Variants in PSD3 observed in about 807,000 individuals in gnomAD.
PSD3 encodes the protein pleckstrin and Sec7 domain containing 3, also known as PH and SEC7 domain-containing protein 3.
In PSD3, 49 loss-of-function variants were observed where a neutral mutation model predicts 105.5. That is an observed-to-expected ratio of 0.46 (90% CI 0.37 to 0.59). The LOEUF is 0.59. Ranked by LOEUF, PSD3 falls within the 20% of genes least tolerant of loss-of-function variation. The probability of loss-of-function intolerance (pLI) is 0.00; values close to 1 mark genes in which losing one functional copy is unlikely to be tolerated. For synonymous variants in PSD3, 557 were observed against 457.8 expected (o/e 1.22, Z -2.77); for missense variants, 1,561 against 1,263.8 (o/e 1.24, Z -3.57).
chr8:19,083,173 C>T (rs1829697098), intron 1 of PSD3, among the ~76,000 whole-genome samples: 1 of 152,180 alleles, frequency 6.6e-6, no homozygotes, highest in Non-Finnish European at 1.5e-5. Context: ...ATCCCACCAC[C>T]CTCCACACCC....
At chr8:18,915,633 G>A (rs1427324115) in intron 2 of PSD3, among the ~76,000 whole-genome samples, 1 of 152,102 alleles carries the variant, frequency 6.6e-6, no homozygotes, top group Non-Finnish European at 1.5e-5. Context: ...AATGCTGAAT[G>A]TCACTAATCA....
chr8:18,873,985 A>G (rs2029611), intron 2 of PSD3, among the ~76,000 whole-genome samples: 17,670 of 152,168 alleles, frequency 0.12, 1,265 homozygotes, highest in Admixed American at 0.23. Context: ...AAAACTTTCA[A>G]TTGGGGGTTT....
At chr8:18,738,642 G>A (rs1350411284) in intron 9 of PSD3, among the ~76,000 whole-genome samples, 1 of 152,064 alleles carries the variant, frequency 6.6e-6, no homozygotes, top group Non-Finnish European at 1.5e-5. Flanking sequence ...CAAGTAGGCT[G>A]AAAATCAAAC....
chr8:18,562,852 G>A (rs1394646543), intron 14 of PSD3, among the ~76,000 whole-genome samples: 1 of 151,956 alleles, frequency 6.6e-6, no homozygotes, highest in Non-Finnish European at 1.5e-5. Flanking sequence ...TCATGCCACT[G>A]CACTCCAGCC....
At chr8:18,965,995 A>G (rs184877861) in intron 1 of PSD3, among the ~76,000 whole-genome samples, 4 of 152,326 alleles carry the variant, frequency 2.6e-5, no homozygotes, top group South Asian at 2.1e-4. Context: ...ACACCTGATG[A>G]GGGGAGTAGG....
At chr8:18,898,157 T>G (rs527689225) in intron 2 of PSD3, among the ~76,000 whole-genome samples, 2 of 152,206 alleles carry the variant, frequency 1.3e-5, no homozygotes, top group East Asian at 3.9e-4. Flanking sequence ...CAATGTTGCT[T>G]TGTTTGTTTT....
At chr8:18,766,026 C>T (rs139808624) in intron 8 of PSD3, among the ~76,000 whole-genome samples, 77 of 151,234 alleles carry the variant, frequency 5.1e-4, no homozygotes, top group African/African-American at 1.7e-3. Flanking sequence ...CATAACTAGA[C>T]ATCTATTTAC....
intron 9 of PSD3, among the ~76,000 whole-genome samples, chr8:18,730,936 C>CAAAAA (rs1289718389): frequency 6.6e-6 from 1 of 152,054 alleles, no homozygotes; most frequent in African/African-American, 2.4e-5. Flanking sequence ...TAGCTAAGGT[C>CAAAAA]GAAAGTAATG....
Position 18,867,765 on chromosome 8 carries a change from T to C in PSD3, c.1543A>G (p.Met515Val), listed in dbSNP as rs756252487. Residue 515 changes from methionine (M) to valine (V), a missense_variant, in exon 4 of 16, where the codon ATG becomes GTG. By Grantham distance (21) the Met-to-Val change is conservative. Coordinates refer to ENST00000327040, the MANE Select transcript of PSD3 (RefSeq NM_015310.4). ...LSVSADGGIVMGYSSGVTNGL... is the reference protein window; with the variant it reads ...LSVSADGGIVVGYSSGVTNGL... The stretch of plus-strand genomic sequence containing the variant: ...TTGGTGACGCCACTAGAATAGCCCA[T>C]CACGATGCCACCATCTGCAGACACA... The C allele has an allele frequency of 2.5e-6, 4 of 1,613,304 alleles. No individual in the cohort carries two copies. The highest frequency in any genetic ancestry group is 1.7e-6 in the Non-Finnish European group (2 of 1,179,598).
chr8:18,682,094 T>C (rs994379590), intron 9 of PSD3, among the ~76,000 whole-genome samples: 2 of 152,044 alleles, frequency 1.3e-5, no homozygotes, highest in African/African-American at 4.8e-5. Flanking sequence ...CAGAGGACAG[T>C]AGAGAATCTT....
chr8:18,685,240 A>G (rs1298304128), intron 9 of PSD3, among the ~76,000 whole-genome samples: 1 of 152,144 alleles, frequency 6.6e-6, no homozygotes, highest in African/African-American at 2.4e-5. Context: ...TATTTGAGAT[A>G]ATTAATTTTT....
intron 2 of PSD3, among the ~76,000 whole-genome samples, chr8:18,932,016 T>C (rs1339125282): frequency 6.6e-6 from 1 of 152,210 alleles, no homozygotes; most frequent in Non-Finnish European, 1.5e-5. Context: ...AGTTTCCACA[T>C]CTATAAAAGG....
At chr8:18,762,746 C>T in intron 9 of PSD3, 2 of 360,690 alleles carry the variant, frequency 5.5e-6, no homozygotes, top group Non-Finnish European at 9.8e-6. Flanking sequence ...AAGGCAAATT[C>T]AGAAGCAAAA....
chr8:18,743,387 G>A (rs1313080180), intron 9 of PSD3, among the ~76,000 whole-genome samples: 1 of 152,130 alleles, frequency 6.6e-6, no homozygotes, highest in Non-Finnish European at 1.5e-5. Flanking sequence ...AAACAGAGAT[G>A]AACTTGTAAA....
At chr8:19,016,359 C>G (rs2042754), upstream of PSD3, among the ~76,000 whole-genome samples, 88,454 of 152,036 alleles carry the variant, frequency 0.58, 26,264 homozygotes, top group African/African-American at 0.63. Flanking sequence ...TTATATACTG[C>G]AGGTCAAAAG....
intron 2 of PSD3, among the ~76,000 whole-genome samples, chr8:18,884,182 T>C (rs1479495614): frequency 6.6e-6 from 1 of 151,094 alleles, no homozygotes; most frequent in Admixed American, 6.7e-5. Flanking sequence ...AAAACAAATA[T>C]AAAGAGCAAG....
intron 4 of PSD3, among the ~76,000 whole-genome samples, chr8:18,828,067 A>ATATTTTTT (rs371473289): frequency 2.5e-5 from 3 of 118,882 alleles, no homozygotes; most frequent in African/African-American, 1.1e-4. Flanking sequence ...ATATATATAT[A>ATATTTTTT]TTTTTTTTTT....
intron 9 of PSD3, among the ~76,000 whole-genome samples, chr8:18,684,303 CA>C (rs1278988223): frequency 6.6e-6 from 1 of 151,658 alleles, no homozygotes; most frequent in Admixed American, 6.6e-5. Context: ...GCAAGCAATT[CA>C]TTAACATTCC....
At chr8:18,926,932 G>A (rs181861442) in intron 2 of PSD3, among the ~76,000 whole-genome samples, 423 of 151,808 alleles carry the variant, frequency 2.8e-3, no homozygotes, top group African/African-American at 9.8e-3. Flanking sequence ...TCAAGCCCCA[G>A]GTTGTTTTAT....
Sources: allele counts gnomAD v4.1 joint callset (sites outside exome capture counted in the v4.1 genomes callset), GRCh38; gene constraint gnomAD v4.1.1; transcripts MANE v1.5; gene names NCBI Gene and HGNC (gene_info 2026-07-23, HGNC 2026-07-21).